The following ATP6V0E1 variants were observed in gnomAD, a reference collection of about 807,000 sequenced individuals.
ATP6V0E1 encodes the protein ATPase H+ transporting V0 subunit e1.
Under a neutral mutation model 11.6 loss-of-function variants are expected in ATP6V0E1, and 4 were observed. That is an observed-to-expected ratio of 0.35 (90% CI 0.17 to 0.79). The LOEUF (loss-of-function observed/expected upper bound fraction) is 0.79, where lower values mean the gene tolerates loss of function less well. Ranked by LOEUF, ATP6V0E1 falls within the 30% of genes least tolerant of loss-of-function variation. The pLI is 0.54. For synonymous variants in ATP6V0E1, 36 were observed against 34.8 expected, an observed-to-expected ratio of 1.04 and a Z score of -0.13; for missense variants, 105 against 100.0, an observed-to-expected ratio of 1.05 and a Z score of -0.21.
intron 3 of ATP6V0E1, among the ~76,000 whole-genome samples, chr5:173,026,294 C>G (rs968555301): frequency 1.3e-5 from 2 of 152,132 alleles, no homozygotes; most frequent in East Asian, 3.9e-4. Flanking sequence ...CTATGTCCGG[C>G]CTGTAATTAT....
At chr5:173,026,252 TC>T (rs1756556508) in intron 3 of ATP6V0E1, among the ~76,000 whole-genome samples, 1 of 152,178 alleles carries the variant, frequency 6.6e-6, no homozygotes, top group Non-Finnish European at 1.5e-5. Context: ...CACTTTGGCC[TC>T]CCAAAGTGAT....
chr5:172,992,646 G>A lies in ATP6V0E1; in HGVS notation c.105-2129G>A, dbSNP rs146857726. The stretch of plus-strand genomic sequence containing the variant: ...CAATCTCCAACCCCTGGTAGACCCC[G>A]TCTCCCTTTCCTGTCTTATTTTCCT... On this transcript the variant is annotated intron_variant, in intron 1 of 3. Coordinates refer to ENST00000519374, the MANE Select transcript of ATP6V0E1 (RefSeq NM_003945.4). Among the ~76,000 whole-genome samples the A allele has an allele frequency of 4.0e-3, 603 of 152,116 alleles. 3 individuals are homozygous for A. The highest frequency in any genetic ancestry group is 6.2e-3 in the Admixed American group (94 of 15,264).
At chr5:172,990,741 T>G (rs1357672858) in intron 1 of ATP6V0E1, among the ~76,000 whole-genome samples, 1 of 151,504 alleles carries the variant, frequency 6.6e-6, no homozygotes, top group African/African-American at 2.4e-5. Context: ...GCAGGAGAAT[T>G]GCTTGAGCCC....
intron 3 of ATP6V0E1, among the ~76,000 whole-genome samples, chr5:173,033,597 C>T (rs1756697809): frequency 6.6e-6 from 1 of 152,140 alleles, no homozygotes; most frequent in South Asian, 2.1e-4. Context: ...AATCCCAGCA[C>T]TTTGGGAGGC....
intron 1 of ATP6V0E1, among the ~76,000 whole-genome samples, chr5:172,984,689 TAA>T (rs1238296241): frequency 6.6e-6 from 1 of 152,238 alleles, no homozygotes; most frequent in Admixed American, 6.5e-5. Flanking sequence ...AACTGTAGTA[TAA>T]AATAGAGGCT....
chr5:172,997,933 ATGTTGAAACCCTT>A (rs1205455488), intron 2 of ATP6V0E1, among the ~76,000 whole-genome samples: 1 of 152,094 alleles, frequency 6.6e-6, no homozygotes, highest in Non-Finnish European at 1.5e-5. Context: ...CCTGAGCAAC[ATGTTGAAACCCTT>A]TCTCTACAAA....
At chr5:173,008,767 T>C (rs969918935) in intron 2 of ATP6V0E1, among the ~76,000 whole-genome samples, 2 of 149,340 alleles carry the variant, frequency 1.3e-5, no homozygotes, top group East Asian at 2.0e-4. Flanking sequence ...AAAAATTAGC[T>C]GGGCGTGGTG....
intron 3 of ATP6V0E1, among the ~76,000 whole-genome samples, chr5:173,021,771 G>T (rs534164873): frequency 2.6e-5 from 4 of 152,298 alleles, no homozygotes; most frequent in African/African-American, 9.6e-5. Context: ...GTCTTTGGTC[G>T]TGCGCGGTGG....
At chr5:173,034,008 A>G (rs934442924) in intron 3 of ATP6V0E1, among the ~76,000 whole-genome samples, 33 of 152,226 alleles carry the variant, frequency 2.2e-4, no homozygotes, top group African/African-American at 7.7e-4. Flanking sequence ...CCCGCTCCCC[A>G]GGAGCCTGGC....
At chr5:172,992,103 T>A (rs1413097891) in intron 1 of ATP6V0E1, among the ~76,000 whole-genome samples, 1 of 152,090 alleles carries the variant, frequency 6.6e-6, no homozygotes, top group South Asian at 2.1e-4. Context: ...CAGGCTGGAG[T>A]GCAGTGGCGC....
chr5:173,029,639 TG>T (rs2113616187), intron 3 of ATP6V0E1, among the ~76,000 whole-genome samples: 1 of 152,228 alleles, frequency 6.6e-6, no homozygotes, highest in East Asian at 1.9e-4. Context: ...AGTAGTTCTC[TG>T]GGGCCTGCAG....
At chr5:172,986,989 T>G (rs879800972) in intron 1 of ATP6V0E1, 1 of 240,066 alleles carries the variant, frequency 4.2e-6, no homozygotes, top group Non-Finnish European at 8.3e-6. Flanking sequence ...GATTTCACCA[T>G]GTTGGCCAGG....
intron 3 of ATP6V0E1, among the ~76,000 whole-genome samples, chr5:173,033,377 G>A (rs987093064): frequency 6.6e-6 from 1 of 151,996 alleles, no homozygotes; most frequent in Admixed American, 6.6e-5. Context: ...TTTATAATCT[G>A]CCTGGTACTG....
intron 2 of ATP6V0E1, among the ~76,000 whole-genome samples, chr5:173,008,628 G>A (rs1055620301): frequency 1.7e-4 from 25 of 147,350 alleles, no homozygotes; most frequent in African/African-American, 6.1e-4. Context: ...AACTCAACTG[G>A]GCTGGGCGCG....
chr5:173,033,394 G>T (rs945320357), intron 3 of ATP6V0E1, among the ~76,000 whole-genome samples: 1 of 152,088 alleles, frequency 6.6e-6, no homozygotes, highest in Non-Finnish European at 1.5e-5. Flanking sequence ...ACTGATACTT[G>T]TACAAAGAGG....
intron 2 of ATP6V0E1, among the ~76,000 whole-genome samples, chr5:173,003,401 C>G (rs866152865): frequency 6.6e-6 from 1 of 152,138 alleles, no homozygotes; most frequent in Non-Finnish European, 1.5e-5. Context: ...TGCCCAGATC[C>G]AGTGTCTGCT....
chr5:173,008,302 C>CT (rs1219833765), intron 2 of ATP6V0E1, among the ~76,000 whole-genome samples: 4,185 of 132,428 alleles, frequency 0.032, 97 homozygotes, highest in African/African-American at 0.04. Flanking sequence ...CTTTTCTTTT[C>CT]TTTTTTTTTT....
intron 1 of ATP6V0E1, chr5:172,987,038 A>G: frequency 5.4e-6 from 1 of 184,230 alleles, no homozygotes; most frequent in Non-Finnish European, 1.1e-5. Context: ...CGCCCATCTC[A>G]GCCTCCCAAA....
intron 2 of ATP6V0E1, among the ~76,000 whole-genome samples, chr5:173,006,728 A>G (rs532506698): frequency 1.6e-4 from 24 of 152,342 alleles, no homozygotes; most frequent in Middle Eastern, 3.4e-3. Context: ...GTTGTTTGTT[A>G]CATACATTTA....
Sources: allele counts gnomAD v4.1 joint callset (sites outside exome capture counted in the v4.1 genomes callset), GRCh38; gene constraint gnomAD v4.1.1; transcripts MANE v1.5; gene names NCBI Gene and HGNC (gene_info 2026-07-23, HGNC 2026-07-21).